The following PITX3 variants were observed in gnomAD, a reference collection of about 807,000 sequenced individuals.
The protein encoded by PITX3 is pituitary homeobox 3.
A neutral mutation model predicts 14.2 loss-of-function variants in PITX3; 4 were observed. That is an observed-to-expected ratio of 0.28 (90% CI 0.14 to 0.65). The LOEUF (loss-of-function observed/expected upper bound fraction) is 0.65. Ranked by LOEUF, PITX3 falls within the 30% of genes least tolerant of loss-of-function variation. PITX3 has a pLI of 0.82. For synonymous variants in PITX3, 194 were observed against 204.5 expected, an observed-to-expected ratio of 0.95 and a Z score of 0.44; for missense variants, 358 against 426.8, an observed-to-expected ratio of 0.84 and a Z score of 1.42.
At chr10:102,232,722 A>G (rs1162646552) in intron 1 of PITX3, among the ~76,000 whole-genome samples, 1 of 152,164 alleles carries the variant, frequency 6.6e-6, no homozygotes, top group African/African-American at 2.4e-5. Context: ...AGCACGCTAC[A>G]TACCCTATAC....
chr10:102,235,792 G>A (rs916741790), intron 1 of PITX3, among the ~76,000 whole-genome samples: 3 of 152,166 alleles, frequency 2.0e-5, no homozygotes, highest in Non-Finnish European at 2.9e-5. Context: ...TGTTTCCCTG[G>A]TGAATGAAGG....
At chr10:102,235,182 C>G (rs183758306) in intron 1 of PITX3, among the ~76,000 whole-genome samples, 13 of 132,186 alleles carry the variant, frequency 9.8e-5, no homozygotes, top group East Asian at 2.4e-4. Context: ...ACCCCCCACC[C>G]CCCCACCGCC....
intron 1 of PITX3, among the ~76,000 whole-genome samples, chr10:102,232,740 G>A (rs1244527502): frequency 6.6e-6 from 1 of 152,222 alleles, no homozygotes; most frequent in East Asian, 1.9e-4. Context: ...TACTACATCT[G>A]CAAAAACTTA....
chr10:102,237,271 C>T (rs754251278), intron 1 of PITX3, among the ~76,000 whole-genome samples: 1 of 151,952 alleles, frequency 6.6e-6, no homozygotes, highest in Non-Finnish European at 1.5e-5. Context: ...AAGGTGGTAC[C>T]GAGTGTTGGG....
At chr10:102,235,458 C>T (rs2133807530) in intron 1 of PITX3, among the ~76,000 whole-genome samples, 1 of 152,264 alleles carries the variant, frequency 6.6e-6, no homozygotes, top group African/African-American at 2.4e-5. Context: ...GTACAACTTA[C>T]TAGCTGTGTG....
intron 1 of PITX3, among the ~76,000 whole-genome samples, chr10:102,235,056 C>T (rs2070348319): frequency 6.6e-6 from 1 of 152,112 alleles, no homozygotes. Flanking sequence ...ACACACTCTC[C>T]CACACATGCG....
At chr10:102,232,564 C>A (rs2070276792) in intron 1 of PITX3, among the ~76,000 whole-genome samples, 1 of 152,130 alleles carries the variant, frequency 6.6e-6, no homozygotes, top group Non-Finnish European at 1.5e-5. Context: ...TGCCTGTAAT[C>A]TCAGCTACTC....
At position 102,230,838 on chromosome 10, in the gene PITX3, G is replaced by A. The variant is rs2070210319; in HGVS notation, c.585C>T (p.Ala195=). The change falls in exon 4 of 4, where the codon GCC becomes GCT. Residue 195 remains alanine (A), a synonymous_variant. Coordinates refer to ENST00000370002, the MANE Select transcript of PITX3 (RefSeq NM_005029.4). Reference sequence around the variant, plus strand: ...CCGCGGCGGAGGGCACCATGGAGGCGGCGATGGAGCTGGGTGGCGAGAAGA... The same window carrying A: ...CCGCGGCGGAGGGCACCATGGAGGCAGCGATGGAGCTGGGTGGCGAGAAGA... ...QPVFSPPSSI[A]ASMVPSAAAA... 2 of 1,585,882 alleles carry A rather than the reference G, an allele frequency of 1.3e-6. No homozygotes were observed. Among genetic ancestry groups the A allele is most frequent in the Non-Finnish European group, 1.7e-6 (2 of 1,167,040 alleles).
intron 3 of PITX3, 83 bp downstream of exon 3, chr10:102,231,505 T>C: frequency 2.3e-6 from 2 of 881,168 alleles, no homozygotes; most frequent in Non-Finnish European, 3.5e-6. Context: ...AGGGGGCAGG[T>C]GGGGTGGAAC....
intron 1 of PITX3, among the ~76,000 whole-genome samples, chr10:102,240,531 G>A (rs1476306408): frequency 6.6e-6 from 1 of 152,242 alleles, no homozygotes; most frequent in Non-Finnish European, 1.5e-5. Flanking sequence ...CAGCAGCTGG[G>A]CAGGCGCTGC....
chr10:102,234,682 A>G lies in PITX3; in HGVS notation c.-12-2590T>C, dbSNP rs1047475353. On this transcript the variant is annotated intron_variant, in intron 1 of 3. Transcript: ENST00000370002. ...TACCCAAGATGCCCTTGAAATGCAAATCATCCCCCTGACTTTTCCAGAGGC... is the reference window on the plus strand; with the variant it reads ...TACCCAAGATGCCCTTGAAATGCAAGTCATCCCCCTGACTTTTCCAGAGGC... Among the ~76,000 whole-genome samples the G allele has an allele frequency of 4.6e-5, 7 of 152,192 alleles. No homozygotes were observed. The South Asian group carries it at 1.5e-3, about 32-fold the overall frequency.
At chr10:102,240,621 C>G (rs2070509427) in intron 1 of PITX3, among the ~76,000 whole-genome samples, 11 of 152,234 alleles carry the variant, frequency 7.2e-5, no homozygotes, top group Admixed American at 5.9e-4. Context: ...GAGAGACCCA[C>G]TTCGCTACCC....
intron 2 of PITX3, 72 bp downstream of exon 2, chr10:102,231,891 C>T (rs1353617644): frequency 3.8e-6 from 6 of 1,560,328 alleles, no homozygotes; most frequent in Non-Finnish European, 4.4e-6. Flanking sequence ...ACCGGGGCTG[C>T]CCAGCCGGGG....
rs1590404456 is a variant in PITX3, at chr10:102,230,191, C to G, written c.*323G>C. On this transcript the variant is annotated 3_prime_UTR_variant, in exon 4 of 4. Transcript: ENST00000370002. ...CAACTTTGAATCATCACGCCTTCGA[C>G]AGTCCGCGCACGTTTATTTCATTTA... is the stretch of plus-strand genomic sequence containing the variant. The G allele has an allele frequency of 2.6e-6, 1 of 385,184 alleles. No homozygotes were observed. Among genetic ancestry groups the G allele is most frequent in the East Asian group, 4.3e-5 (1 of 23,304 alleles). The allele number at this position is 385,184 out of a possible 1,614,324, so 23.9% of individuals were successfully genotyped here.
intron 3 of PITX3, 124 bp from the exon 4 acceptor site, chr10:102,231,225 G>C: frequency 4.1e-6 from 4 of 974,672 alleles, no homozygotes; most frequent in Non-Finnish European, 5.8e-6. Context: ...GGTGGCTAGA[G>C]ACGGGGTGGG....
Position 102,231,800 on chromosome 10 carries a change from AG to A in PITX3, c.119-11del. 6.3e-7 allele frequency: 1 copy of A among 1,596,248 alleles called. No homozygotes were observed. Among genetic ancestry groups the A allele is most frequent in the Non-Finnish European group, 8.5e-7 (1 of 1,175,608 alleles). ...GAGGCCTTTTCTGAGTCTGGGGGCC[AG>A]GGTGGGGGCAGGTCACAGAGCGCCC... On this transcript the variant is annotated splice_polypyrimidine_tract_variant and intron_variant, in intron 2 of 3. Coordinates refer to ENST00000370002, the MANE Select transcript of PITX3 (RefSeq NM_005029.4).
At chr10:102,233,927 T>A (rs111736563) in intron 1 of PITX3, among the ~76,000 whole-genome samples, 58 of 152,272 alleles carry the variant, frequency 3.8e-4, no homozygotes, top group African/African-American at 1.3e-3. Context: ...AGGACCCCTC[T>A]GCTGCGAGGA....
In PITX3 at chr10:102,231,761, C is replaced by T. The variant is rs779175338; in HGVS notation, c.148G>A (p.Gly50Ser). The T allele has an allele frequency of 6.2e-7, 1 of 1,606,904 alleles. No individual in the cohort carries two copies. Among genetic ancestry groups the T allele is most frequent in the Non-Finnish European group, 8.5e-7 (1 of 1,177,942 alleles). The change falls in exon 3 of 4, where the codon GGC (glycine) becomes AGC (serine). Residue 50 changes from glycine (G) to serine (S), a missense_variant. Physicochemically the swap from Gly to Ser is moderately conservative, Grantham distance 56. Around this residue, in one of 3 missense-constraint regions of PITX3, gnomAD observed 72 missense variants for 79.9 expected, o/e 0.90. Coordinates refer to ENST00000370002, the MANE Select transcript of PITX3 (RefSeq NM_005029.4). ...DSEKASASLP[G>S]GSPEDGSLKK... ...AGCGAACCGTCCTCTGGGGAGCCGC[C>T]GGGCAGCGAAGCCGAGGCCTTTTCT...
intron 1 of PITX3, among the ~76,000 whole-genome samples, chr10:102,238,459 T>G (rs1167404237): frequency 6.6e-6 from 1 of 152,088 alleles, no homozygotes; most frequent in African/African-American, 2.4e-5. Flanking sequence ...CTCCCCAGAG[T>G]TCTCAGACAG....
Sources: allele counts gnomAD v4.1 joint callset (sites outside exome capture counted in the v4.1 genomes callset), GRCh38; gene constraint gnomAD v4.1.1; regional missense constraint gnomAD v4.1.1; transcripts MANE v1.5; gene names NCBI Gene and HGNC (gene_info 2026-07-23, HGNC 2026-07-21).